TAOK3: variants seen among roughly 807,000 people sequenced by gnomAD.
TAOK3 encodes the protein TAO kinase 3, also known as serine/threonine-protein kinase TAO3.
TAOK3 carries 40 observed loss-of-function variants against 120.4 expected under a neutral mutation model. That is an observed-to-expected ratio of 0.33 (90% CI 0.26 to 0.43). The LOEUF (loss-of-function observed/expected upper bound fraction) is 0.43, where lower values mean the gene tolerates loss of function less well. TAOK3 is among the 20% of genes least tolerant of loss of function. TAOK3 has a pLI of 1.00. For missense variants in TAOK3, 821 were observed against 1,112.1 expected (o/e 0.74, Z 3.72); for synonymous variants, 355 against 387.5 (o/e 0.92, Z 0.99).
intron 3 of TAOK3, among the ~76,000 whole-genome samples, chr12:118,251,206 G>A (rs1464032393): frequency 6.6e-6 from 1 of 152,152 alleles, no homozygotes; most frequent in Non-Finnish European, 1.5e-5. Flanking sequence ...GTCCAAATAA[G>A]AGATAGCAGA....
chr12:118,322,606 C>T (rs1212776790), intron 1 of TAOK3, among the ~76,000 whole-genome samples: 3 of 151,542 alleles, frequency 2.0e-5, no homozygotes, highest in Admixed American at 2.0e-4. Flanking sequence ...AGCGTGTGTT[C>T]CAATAAAACG....
chr12:118,372,087 G>A lies in TAOK3; in HGVS notation c.-194+561C>T, dbSNP rs2141342934. Reference sequence around the variant, plus strand: ...GTTCTAAGCCCTCTGGGGATCCCCTGTCTTCACATCCCCTGACCGGTCCCC... The same window carrying A: ...GTTCTAAGCCCTCTGGGGATCCCCTATCTTCACATCCCCTGACCGGTCCCC... On this transcript the variant is annotated intron_variant, in intron 1 of 20. Transcript: ENST00000392533. This position sits in a 1 kb window ranked among gnomAD's most constrained non-coding sequence, Gnocchi z 4.6. Among the ~76,000 whole-genome samples the A allele has an allele frequency of 6.6e-6, 1 of 151,764 alleles. No individual in the cohort carries two copies. Among genetic ancestry groups the A allele is most frequent in the South Asian group, 2.1e-4 (1 of 4,794 alleles).
intron 3 of TAOK3, among the ~76,000 whole-genome samples, chr12:118,254,004 A>G (rs12318403): frequency 0.036 from 5,473 of 150,730 alleles, 279 homozygotes; most frequent in African/African-American, 0.12. Flanking sequence ...GCAGTGAGCC[A>G]AGATCGTGCC....
At chr12:118,152,838 T>G (rs2138195026) in intron 19 of TAOK3, 1 of 157,848 alleles carries the variant, frequency 6.3e-6, no homozygotes, top group Middle Eastern at 3.2e-3. Context: ...AATGAAAGAA[T>G]TAATATAAAA....
chr12:118,258,263 G>A (rs2041074411), intron 2 of TAOK3, among the ~76,000 whole-genome samples: 1 of 152,070 alleles, frequency 6.6e-6, no homozygotes, highest in African/African-American at 2.4e-5. Context: ...ATGGGAAAAA[G>A]GATCCCTCCG....
intron 1 of TAOK3, among the ~76,000 whole-genome samples, chr12:118,355,826 C>T (rs1395046283): frequency 1.3e-5 from 2 of 152,152 alleles, no homozygotes; most frequent in Non-Finnish European, 2.9e-5. Flanking sequence ...TTCATTTAAT[C>T]CTCACAACAA....
chr12:118,218,174 T>C (rs936202109), intron 9 of TAOK3, among the ~76,000 whole-genome samples: 4 of 152,036 alleles, frequency 2.6e-5, no homozygotes, highest in South Asian at 2.1e-4. Flanking sequence ...AAACAGATAC[T>C]GGTATTACAG....
intron 19 of TAOK3, among the ~76,000 whole-genome samples, chr12:118,159,232 A>C (rs2035047963): frequency 6.6e-6 from 1 of 151,984 alleles, no homozygotes; most frequent in Non-Finnish European, 1.5e-5. Flanking sequence ...GGCTCCCTCT[A>C]GGAAGATTTC....
chr12:118,246,381 G>A, intron 3 of TAOK3: 1 of 1,585,650 alleles, frequency 6.3e-7, no homozygotes, highest in Admixed American at 1.8e-5. Flanking sequence ...CTTCCTGGGG[G>A]CCTCTCTCAA....
chr12:118,273,183 G>A (rs2041780985), intron 1 of TAOK3, among the ~76,000 whole-genome samples: 1 of 152,054 alleles, frequency 6.6e-6, no homozygotes, highest in Non-Finnish European at 1.5e-5. Context: ...GAGGACTGCA[G>A]AGTAAACAAA....
rs181436723 is a variant in TAOK3, at chr12:118,245,577, C to A, written c.121-612G>T. Among the ~76,000 whole-genome samples, 1,264 of 152,280 alleles carry A rather than the reference C, an allele frequency of 8.3e-3. 18 individuals are homozygous for A. The highest frequency in any genetic ancestry group is 0.029 in the African/African-American group (1,225 of 41,554). On this transcript the variant is annotated intron_variant, in intron 3 of 20. Coordinates refer to ENST00000392533, the MANE Select transcript of TAOK3 (RefSeq NM_016281.4). The stretch of plus-strand genomic sequence containing the variant: ...ACGTGATCTGCCCGCCTCAGCCTCC[C>A]AAAGTGCTGGGATTACAGACGTTAG...
At chr12:118,302,465 CA>C (rs1426805347) in intron 1 of TAOK3, among the ~76,000 whole-genome samples, 1 of 152,040 alleles carries the variant, frequency 6.6e-6, no homozygotes, top group Non-Finnish European at 1.5e-5. Context: ...CTCTAAGCCT[CA>C]GTTTTCTTAT....
chr12:118,253,750 A>G (rs1284415296), intron 3 of TAOK3, among the ~76,000 whole-genome samples: 1 of 23,020 alleles, frequency 4.3e-5, no homozygotes, highest in Non-Finnish European at 8.3e-5. Context: ...AAACAAACAA[A>G]CAAACAAAAA....
intron 1 of TAOK3, among the ~76,000 whole-genome samples, chr12:118,322,118 C>G (rs1566115641): frequency 6.6e-6 from 1 of 151,866 alleles, no homozygotes; most frequent in Non-Finnish European, 1.5e-5. Context: ...AGTTAGAGAC[C>G]AGCCCAGCCA....
At chr12:118,195,107 G>A (rs1292499650) in intron 13 of TAOK3, among the ~76,000 whole-genome samples, 1 of 151,872 alleles carries the variant, frequency 6.6e-6, no homozygotes, top group Non-Finnish European at 1.5e-5. Flanking sequence ...ATAGAATGAA[G>A]TGTTGTCCCA....
At chr12:118,278,004 A>C (rs1324141679) in intron 1 of TAOK3, among the ~76,000 whole-genome samples, 2 of 152,128 alleles carry the variant, frequency 1.3e-5, no homozygotes, top group Admixed American at 1.3e-4. Context: ...TTTTGTTTAC[A>C]AAACTCTTTA....
chr12:118,277,419 T>C (rs1051711284), intron 1 of TAOK3, among the ~76,000 whole-genome samples: 12 of 151,906 alleles, frequency 7.9e-5, no homozygotes, highest in Non-Finnish European at 1.6e-4. Context: ...CAGCAACCCA[T>C]AGGACTCTTT....
intron 1 of TAOK3, among the ~76,000 whole-genome samples, chr12:118,339,078 T>C (rs2044492964): frequency 6.6e-6 from 1 of 152,084 alleles, no homozygotes; most frequent in Admixed American, 6.6e-5. Context: ...CTGTGGATGC[T>C]ACAGGAAAGA....
Position 118,194,244 on chromosome 12 carries a change from GACCC to G in TAOK3, c.1195-4307_1195-4304del, listed in dbSNP as rs537235188. On this transcript the variant is annotated intron_variant, in intron 13 of 20. Coordinates refer to ENST00000392533, the MANE Select transcript of TAOK3 (RefSeq NM_016281.4). ...CTACGCTGTGGAGAAGGGATCAGCA[GACCC>G]ACCACTCTCCTTTGTTTTGTTCATT... Among the ~76,000 whole-genome samples, 170 of 152,238 alleles carry G rather than the reference GACCC, an allele frequency of 1.1e-3. 2 individuals carry two copies. The South Asian group carries it at 0.016, about 14-fold the overall frequency.
Sources: allele counts gnomAD v4.1 joint callset (sites outside exome capture counted in the v4.1 genomes callset), GRCh38; gene constraint gnomAD v4.1.1; non-coding constraint Gnocchi (gnomAD v3.1); transcripts MANE v1.5; gene names NCBI Gene and HGNC (gene_info 2026-07-23, HGNC 2026-07-21).